PCDHGA12: variants seen among roughly 807,000 people sequenced by gnomAD.
The protein encoded by PCDHGA12 is protocadherin gamma-A12.
In PCDHGA12, 43 loss-of-function variants were observed where a neutral mutation model predicts 61.1. That is an observed-to-expected ratio of 0.70 (90% CI 0.55 to 0.91). The LOEUF (loss-of-function observed/expected upper bound fraction) is 0.91, where lower values mean the gene tolerates loss of function less well. Ranked by LOEUF, PCDHGA12 falls within the 40% of genes least tolerant of loss-of-function variation. The pLI, the probability that PCDHGA12 is intolerant of heterozygous loss-of-function variation, is 0.00. For missense variants in PCDHGA12, 1,236 were observed against 1,227.7 expected (o/e 1.01, Z -0.10); for synonymous variants, 520 against 542.9 (o/e 0.96, Z 0.59).
rs780843098 is a variant in PCDHGA12 at position 141,431,185 on chromosome 5, T to C, written c.426T>C (p.Ile142=). The change falls in exon 1 of 4, where the codon ATT becomes ATC. Residue 142 remains isoleucine (I), a synonymous_variant. Coordinates refer to ENST00000252085, the MANE Select transcript of PCDHGA12 (RefSeq NM_003735.3). The surrounding 1 kb of genome is among the most constrained non-coding windows in gnomAD (Gnocchi z 4.8). ...YFRESELEIK[I]SENAATEMRF... ...GTGAAAGTGAATTAGAAATAAAAAT[T>C]AGTGAAAATGCAGCCACTGAGATGC... The C allele has an allele frequency of 3.1e-6, 5 of 1,613,982 alleles. No homozygotes were observed. The highest frequency in any genetic ancestry group is 4.2e-6 in the Non-Finnish European group (5 of 1,180,016).
At chr5:141,437,225 T>C (rs943242286) in intron 1 of PCDHGA12, among the ~76,000 whole-genome samples, 2 of 152,240 alleles carry the variant, frequency 1.3e-5, no homozygotes, top group Admixed American at 1.3e-4. Flanking sequence ...ATTCCAGTCA[T>C]AAAATTATGT....
chr5:141,483,445 C>T (rs1332037230), intron 1 of PCDHGA12, among the ~76,000 whole-genome samples: 1 of 152,106 alleles, frequency 6.6e-6, no homozygotes, highest in Admixed American at 6.5e-5. Context: ...ACAATAAAAT[C>T]ATCAGGACTT....
At chr5:141,502,356 G>C (rs1443285213) in intron 2 of PCDHGA12, among the ~76,000 whole-genome samples, 4 of 151,838 alleles carry the variant, frequency 2.6e-5, no homozygotes. Flanking sequence ...TAATGACATG[G>C]ATATTTTTAA....
rs1168799961 is a variant in PCDHGA12, at chr5:141,487,844, A to G, written c.2425-6963A>G. ...CGGGTCATGCCTATATCTGAGTAAG[A>G]AATGAAAGTAATTGGTGATCAAGAG... On this transcript the variant is annotated intron_variant, in intron 1 of 3. Coordinates refer to ENST00000252085, the MANE Select transcript of PCDHGA12 (RefSeq NM_003735.3). The surrounding 1 kb of genome is among the most constrained non-coding windows in gnomAD (Gnocchi z 5.0). 2 of 1,043,076 alleles carry G rather than the reference A, an allele frequency of 1.9e-6. No homozygotes were observed. Among genetic ancestry groups the G allele is most frequent in the Non-Finnish European group, 2.7e-6 (2 of 730,916 alleles). The allele number at this position is 1,043,076 out of a possible 1,614,324, so 64.6% of individuals were successfully genotyped here.
chr5:141,467,371 A>G, intron 1 of PCDHGA12, among the ~76,000 whole-genome samples: 1 of 151,906 alleles, frequency 6.6e-6, no homozygotes, highest in Non-Finnish European at 1.5e-5. Context: ...GTTTTCTTAT[A>G]TTGCATTTAG....
At chr5:141,478,838 T>C (rs1439577444) in intron 1 of PCDHGA12, 1 of 1,426,484 alleles carries the variant, frequency 7.0e-7, no homozygotes, top group Non-Finnish European at 9.2e-7. Flanking sequence ...TAAGGGATGG[T>C]TAAGCTAAAA....
rs2233605 is a variant in PCDHGA12 at position 141,490,412 on chromosome 5, C to A, written c.2425-4395C>A. ...GGTGAAGTGAGCCTTGATATCTCTC[C>A]GGACCTGCCATTTCAGATTAAGCCT... On this transcript the variant is annotated intron_variant, in intron 1 of 3. Transcript: ENST00000252085. This position sits in a 1 kb window ranked among gnomAD's most constrained non-coding sequence, Gnocchi z 5.4. 1.3e-4 allele frequency: 203 copies of A among 1,614,064 alleles called. 1 individual carries two copies. The highest frequency in any genetic ancestry group is 3.5e-4 in the South Asian group (32 of 91,086).
chr5:141,507,631 C>A (rs1435446169), intron 3 of PCDHGA12, among the ~76,000 whole-genome samples: 1 of 152,236 alleles, frequency 6.6e-6, no homozygotes, highest in Non-Finnish European at 1.5e-5. Context: ...TGTGGCCTTG[C>A]GCCCTGAGGC....
Position 141,490,869 on chromosome 5 carries a change from A to AT in PCDHGA12, c.2425-3936dup. 1.2e-6 allele frequency: 2 copies of AT among 1,613,902 alleles called. No individual in the cohort carries two copies. Among genetic ancestry groups the AT allele is most frequent in the Non-Finnish European group, 8.5e-7 (1 of 1,179,954 alleles). ...GGGTTCGAGACTCCGGCTCTCCCCC[A>AT]TTGCATGCCAACACATCTCTGCATG... On this transcript the variant is annotated intron_variant, in intron 1 of 3. Coordinates refer to ENST00000252085, the MANE Select transcript of PCDHGA12 (RefSeq NM_003735.3). This position sits in a 1 kb window ranked among gnomAD's most constrained non-coding sequence, Gnocchi z 5.4.
rs1368451336 is a variant in PCDHGA12 at position 141,505,377 on chromosome 5, C to T, written c.2484-16C>T. ...CGGCCTGGGAGTCTGTGCTCACCAT[C>T]CTACTCTCTCCCCAGCTCCCAAAAT... On this transcript the variant is annotated splice_polypyrimidine_tract_variant and intron_variant, in intron 2 of 3. Transcript: ENST00000252085. The T allele has an allele frequency of 6.2e-7, 1 of 1,614,036 alleles. No individual in the cohort carries two copies. Among genetic ancestry groups the T allele is most frequent in the Non-Finnish European group, 8.5e-7 (1 of 1,179,954 alleles).
At position 141,486,238 on chromosome 5, in the gene PCDHGA12, G is replaced by C. The variant is rs1414434705; in HGVS notation, c.2425-8569G>C. 6.2e-7 allele frequency: 1 copy of C among 1,614,058 alleles called. No homozygotes were observed. The highest frequency in any genetic ancestry group is 8.5e-7 in the Non-Finnish European group (1 of 1,180,024). On this transcript the variant is annotated intron_variant, in intron 1 of 3. Coordinates refer to ENST00000252085, the MANE Select transcript of PCDHGA12 (RefSeq NM_003735.3). This position sits in a 1 kb window ranked among gnomAD's most constrained non-coding sequence, Gnocchi z 5.0. ...CCCCTTACATCACAGTGACCTCAGA[G>C]CTTGGAACCCTCCCCGAGAGTGCAG... is the stretch of plus-strand genomic sequence containing the variant.
At position 141,476,638 on chromosome 5, in the gene PCDHGA12, G is replaced by A. The variant is rs997136356; in HGVS notation, c.2425-18169G>A. On this transcript the variant is annotated intron_variant, in intron 1 of 3. Transcript: ENST00000252085. This position sits in a 1 kb window ranked among gnomAD's most constrained non-coding sequence, Gnocchi z 7.6. ...GCAACTCTTTACAAACCTATGAGCT[G>A]AGCCGAAATGAATACTTTGCGCTTC... 1.9e-6 allele frequency: 3 copies of A among 1,614,268 alleles called. No homozygotes were observed. Among genetic ancestry groups the A allele is most frequent in the Middle Eastern group, 1.6e-4 (1 of 6,062 alleles).
intron 1 of PCDHGA12, chr5:141,441,731 C>G: frequency 2.8e-6 from 1 of 362,226 alleles, no homozygotes; most frequent in South Asian, 2.2e-5. Context: ...GCGACCAGGA[C>G]TAGCTCGCGC....
At position 141,432,627 on chromosome 5, in the gene PCDHGA12, C is replaced by A. The variant is rs886117102; in HGVS notation, c.1868C>A (p.Thr623Lys). 1 of 1,613,652 alleles carries A rather than the reference C, an allele frequency of 6.2e-7. No homozygotes were observed. The highest frequency in any genetic ancestry group is 8.5e-7 in the Non-Finnish European group (1 of 1,179,952). Residue 623 changes from threonine to lysine, a missense_variant, in exon 1 of 4, where the codon ACG becomes AAG. Physicochemically the swap from Thr to Lys is moderately conservative, Grantham distance 78. Transcript: ENST00000252085. This position sits in a 1 kb window ranked among gnomAD's most constrained non-coding sequence, Gnocchi z 6.0. ...GGACTCTTCTCGGTGGGTCTGCACA[C>A]GGGCGAGGTGCGCACGGCGCGAGCC... ...EPGLFSVGLH[T>K]GEVRTARALL...
chr5:141,476,665 C>T lies in PCDHGA12; in HGVS notation c.2425-18142C>T. On this transcript the variant is annotated intron_variant, in intron 1 of 3. Coordinates refer to ENST00000252085, the MANE Select transcript of PCDHGA12 (RefSeq NM_003735.3). This position sits in a 1 kb window ranked among gnomAD's most constrained non-coding sequence, Gnocchi z 7.6. ...GCCGAAATGAATACTTTGCGCTTCG[C>T]GTGCAGACGCGGGAGGACAGCACCA... 6.2e-7 allele frequency: 1 copy of T among 1,614,240 alleles called. No homozygotes were observed. Among genetic ancestry groups the T allele is most frequent in the East Asian group, 2.2e-5 (1 of 44,882 alleles).
At chr5:141,457,550 A>G (rs1331411755) in intron 1 of PCDHGA12, among the ~76,000 whole-genome samples, 1 of 152,230 alleles carries the variant, frequency 6.6e-6, no homozygotes, top group Non-Finnish European at 1.5e-5. Flanking sequence ...CAAATGTATG[A>G]TAAGCTTTGG....
chr5:141,489,222 A>C lies in PCDHGA12; in HGVS notation c.2425-5585A>C. On this transcript the variant is annotated intron_variant, in intron 1 of 3. Coordinates refer to ENST00000252085, the MANE Select transcript of PCDHGA12 (RefSeq NM_003735.3). The surrounding 1 kb of genome is among the most constrained non-coding windows in gnomAD (Gnocchi z 4.5). ...ACAGGACAGCACAGACTTACTCTCC[A>C]CAAAGGGACTTCTGGGTCATGGGGC... 6.6e-7 allele frequency: 1 copy of C among 1,515,652 alleles called. No individual in the cohort carries two copies. Among genetic ancestry groups the C allele is most frequent in the Middle Eastern group, 1.8e-4 (1 of 5,598 alleles). 93.9% of individuals were successfully genotyped at this position (1,515,652 alleles called of 1,614,324 possible).
chr5:141,459,510 T>G (rs1449866159), intron 1 of PCDHGA12, among the ~76,000 whole-genome samples: 1 of 152,252 alleles, frequency 6.6e-6, no homozygotes, highest in Non-Finnish European at 1.5e-5. Context: ...TGAACAATCA[T>G]GTACAAGTAT....
In PCDHGA12 at chr5:141,485,578, G is replaced by A; in HGVS notation, c.2425-9229G>A. ...ATGATCACGCCCCCCGTTTTCCGCG[G>A]CAGCAGCTGGACTTGGAAATTGGGG... is the stretch of plus-strand genomic sequence containing the variant. On this transcript the variant is annotated intron_variant, in intron 1 of 3. Transcript: ENST00000252085. This position sits in a 1 kb window ranked among gnomAD's most constrained non-coding sequence, Gnocchi z 5.7. 6.2e-7 allele frequency: 1 copy of A among 1,612,362 alleles called. No homozygotes were observed. Among genetic ancestry groups the A allele is most frequent in the Non-Finnish European group, 8.5e-7 (1 of 1,178,688 alleles).
Sources: allele counts gnomAD v4.1 joint callset (sites outside exome capture counted in the v4.1 genomes callset), GRCh38; gene constraint gnomAD v4.1.1; non-coding constraint Gnocchi (gnomAD v3.1); transcripts MANE v1.5; gene names NCBI Gene and HGNC (gene_info 2026-07-23, HGNC 2026-07-21).